The following COMMD1 variants were observed in gnomAD, a reference collection of about 807,000 sequenced individuals.
COMMD1 encodes the protein copper metabolism domain containing 1.
Under a neutral mutation model 17.2 loss-of-function variants are expected in COMMD1, and 10 were observed. That is an observed-to-expected ratio of 0.58 (90% CI 0.36 to 0.99). The LOEUF is 0.99. COMMD1 is among the 50% of genes least tolerant of loss of function. COMMD1 has a pLI of 0.01. For missense variants in COMMD1, 270 were observed against 231.8 expected, an observed-to-expected ratio of 1.17 and a Z score of -1.07; for synonymous variants, 97 against 91.6, an observed-to-expected ratio of 1.06 and a Z score of -0.34.
At chr2:62,078,769 C>T (rs188501576) in intron 2 of COMMD1, among the ~76,000 whole-genome samples, 111 of 150,958 alleles carry the variant, frequency 7.4e-4, no homozygotes, top group African/African-American at 2.4e-3. Context: ...CCCAGCCACT[C>T]GGTAGGCTGA....
intron 2 of COMMD1, among the ~76,000 whole-genome samples, chr2:62,027,062 A>C (rs1441612173): frequency 6.6e-6 from 1 of 152,150 alleles, no homozygotes; most frequent in Non-Finnish European, 1.5e-5. Flanking sequence ...CCATTGTCTT[A>C]GTACTATTGA....
intron 1 of COMMD1, among the ~76,000 whole-genome samples, chr2:61,918,914 A>G (rs997465628): frequency 6.6e-6 from 1 of 152,206 alleles, no homozygotes; most frequent in Non-Finnish European, 1.5e-5. Context: ...TATGTGGTTC[A>G]TCTTTGACAA....
chr2:61,917,759 C>T (rs1670086662), intron 1 of COMMD1, among the ~76,000 whole-genome samples: 1 of 152,180 alleles, frequency 6.6e-6, no homozygotes, highest in Non-Finnish European at 1.5e-5. Context: ...TCTTGATTTC[C>T]ACTCCTCGTG....
intron 2 of COMMD1, among the ~76,000 whole-genome samples, chr2:62,076,845 A>T (rs998093750): frequency 1.3e-5 from 2 of 152,166 alleles, no homozygotes; most frequent in Non-Finnish European, 2.9e-5. Context: ...TATTAAGAGT[A>T]TTTAGGTCAG....
chr2:62,118,329 A>T (rs577055567), intron 2 of COMMD1: 1 of 152,332 alleles, frequency 6.6e-6, no homozygotes, highest in Admixed American at 6.5e-5. Flanking sequence ...ACACATTGTT[A>T]ATGTGAGGGA....
intron 2 of COMMD1, among the ~76,000 whole-genome samples, chr2:62,120,766 C>T (rs1021402082): frequency 6.6e-5 from 10 of 152,090 alleles, no homozygotes; most frequent in African/African-American, 2.4e-4. Flanking sequence ...TGCCCTGTCA[C>T]CCAGGCTGGA....
intron 1 of COMMD1, among the ~76,000 whole-genome samples, chr2:61,997,370 A>G (rs1668796031): frequency 1.4e-5 from 2 of 145,294 alleles, no homozygotes; most frequent in Admixed American, 6.7e-5. Flanking sequence ...CACAAAATGT[A>G]TTTCTTAAAA....
rs141599597 is a variant in COMMD1, at chr2:62,058,386, T to G, written c.462+57404T>G. Among the ~76,000 whole-genome samples the G allele has an allele frequency of 5.3e-3, 801 of 152,332 alleles. 13 individuals are homozygous for G. The highest frequency in any genetic ancestry group is 0.018 in the African/African-American group (755 of 41,570). On this transcript the variant is annotated intron_variant, in intron 2 of 2. Coordinates refer to ENST00000311832, the MANE Select transcript of COMMD1 (RefSeq NM_152516.4). Reference sequence around the variant, plus strand: ...TCCCTTTAATTCTCTCAAATTTTCTTCGTTTTGTTTTGTTTTGAGACAAGG... The same window carrying G: ...TCCCTTTAATTCTCTCAAATTTTCTGCGTTTTGTTTTGTTTTGAGACAAGG...
At chr2:62,043,957 T>C (rs549343189) in intron 2 of COMMD1, among the ~76,000 whole-genome samples, 1 of 152,354 alleles carries the variant, frequency 6.6e-6, no homozygotes, top group Non-Finnish European at 1.5e-5. Context: ...ATATCTGTCA[T>C]AGGATTTTTG....
At chr2:61,940,698 T>A (rs1248283284) in intron 1 of COMMD1, among the ~76,000 whole-genome samples, 1 of 152,088 alleles carries the variant, frequency 6.6e-6, no homozygotes, top group Non-Finnish European at 1.5e-5. Flanking sequence ...ATTCTTTTTT[T>A]TTTTTTTGAG....
Position 62,013,882 on chromosome 2 carries a change from G to T in COMMD1, c.462+12900G>T, listed in dbSNP as rs142962088. Among the ~76,000 whole-genome samples the T allele has an allele frequency of 6.6e-5, 10 of 152,284 alleles. No homozygotes were observed. In the East Asian group the frequency reaches 1.3e-3, roughly 21 times the overall value. Reference sequence around the variant, plus strand: ...CTTCCACTTGGGGAAAAATATGAAAGAAATCATTTAACATTTGGCAGTTAA... The same window carrying T: ...CTTCCACTTGGGGAAAAATATGAAATAAATCATTTAACATTTGGCAGTTAA... On this transcript the variant is annotated intron_variant, in intron 2 of 2. Coordinates refer to ENST00000311832, the MANE Select transcript of COMMD1 (RefSeq NM_152516.4).
chr2:61,950,829 A>G (rs776684134), intron 1 of COMMD1, among the ~76,000 whole-genome samples: 4 of 152,188 alleles, frequency 2.6e-5, no homozygotes, highest in Non-Finnish European at 5.9e-5. Flanking sequence ...GGAGGGTGCA[A>G]GACTTCATCA....
At chr2:61,917,026 A>G (rs1366173428) in intron 1 of COMMD1, among the ~76,000 whole-genome samples, 4 of 152,130 alleles carry the variant, frequency 2.6e-5, no homozygotes, top group Non-Finnish European at 2.9e-5. Context: ...GGAAATTTTT[A>G]TGGAAAGCAA....
chr2:62,074,959 G>A (rs1242491183), intron 2 of COMMD1, among the ~76,000 whole-genome samples: 4 of 144,336 alleles, frequency 2.8e-5, no homozygotes, highest in Non-Finnish European at 4.5e-5. Context: ...GCGCAATCTC[G>A]GCTCACTTCA....
chr2:62,046,896 G>T (rs965546508), intron 2 of COMMD1, among the ~76,000 whole-genome samples: 2 of 152,244 alleles, frequency 1.3e-5, no homozygotes, highest in Admixed American at 1.3e-4. Context: ...AAAATGTTTG[G>T]TTTCTCTCCG....
intron 1 of COMMD1, among the ~76,000 whole-genome samples, chr2:61,910,744 A>G (rs1427811912): frequency 1.3e-5 from 2 of 152,224 alleles, no homozygotes; most frequent in African/African-American, 4.8e-5. Context: ...TGTATTCACT[A>G]CTGCCCTCTG....
intron 2 of COMMD1, among the ~76,000 whole-genome samples, chr2:62,040,383 G>A (rs973793060): frequency 2.6e-5 from 4 of 152,126 alleles, no homozygotes; most frequent in Admixed American, 6.5e-5. Flanking sequence ...ATTCTCCCTG[G>A]TGTAAAACTC....
intron 2 of COMMD1, among the ~76,000 whole-genome samples, chr2:62,052,491 G>A (rs1445084606): frequency 1.3e-5 from 2 of 152,076 alleles, no homozygotes; most frequent in African/African-American, 4.8e-5. Context: ...TGTCCTTGTA[G>A]CCCAAGACAC....
chr2:62,024,196 C>T (rs983886889), intron 2 of COMMD1, among the ~76,000 whole-genome samples: 3 of 151,964 alleles, frequency 2.0e-5, no homozygotes, highest in Non-Finnish European at 2.9e-5. Context: ...AAGGTGTTCA[C>T]GGTGATGATT....
Sources: allele counts gnomAD v4.1 joint callset (sites outside exome capture counted in the v4.1 genomes callset), GRCh38; gene constraint gnomAD v4.1.1; transcripts MANE v1.5; gene names NCBI Gene and HGNC (gene_info 2026-07-23, HGNC 2026-07-21).